The following NHSL1 variants were observed in gnomAD, a reference collection of about 807,000 sequenced individuals.
The protein encoded by NHSL1 is NHS-like protein 1.
In NHSL1, 48 loss-of-function variants were observed where a neutral mutation model predicts 95.0. The observed-to-expected ratio is 0.51, with a 90% confidence interval of 0.40 to 0.64. The LOEUF (loss-of-function observed/expected upper bound fraction) is 0.64. Among genes scored for constraint, NHSL1 ranks in the 30% least tolerant of loss-of-function variants. NHSL1 has a pLI of 0.00. For synonymous variants in NHSL1, 783 were observed against 833.9 expected, an observed-to-expected ratio of 0.94 and a Z score of 1.05; for missense variants, 1,971 against 2,077.7, an observed-to-expected ratio of 0.95 and a Z score of 1.00.
intron 2 of NHSL1, among the ~76,000 whole-genome samples, chr6:138,494,592 G>A (rs1027163819): frequency 3.3e-5 from 5 of 152,076 alleles, no homozygotes; most frequent in Admixed American, 2.6e-4. Flanking sequence ...ATTAAAGAAT[G>A]AATCACTTCA....
chr6:138,610,967 A>C (rs1406732732), intron 1 of NHSL1, among the ~76,000 whole-genome samples: 3 of 152,082 alleles, frequency 2.0e-5, no homozygotes, highest in Non-Finnish European at 2.9e-5. Flanking sequence ...AATTCCAGCT[A>C]CTCAGGAGGC....
At chr6:138,608,228 T>G (rs554313327) in intron 1 of NHSL1, among the ~76,000 whole-genome samples, 2 of 152,374 alleles carry the variant, frequency 1.3e-5, no homozygotes, top group South Asian at 4.1e-4. Context: ...CAGAAAATCA[T>G]GAAAATTACT....
At chr6:138,528,302 T>C (rs1781995544) in intron 1 of NHSL1, among the ~76,000 whole-genome samples, 1 of 151,604 alleles carries the variant, frequency 6.6e-6, no homozygotes, top group Non-Finnish European at 1.5e-5. Context: ...GAGCCAGAGG[T>C]ATTCATTCAG....
At chr6:138,587,301 G>T (rs117680172) in intron 1 of NHSL1, among the ~76,000 whole-genome samples, 1 of 151,446 alleles carries the variant, frequency 6.6e-6, no homozygotes, top group Non-Finnish European at 1.5e-5. Context: ...AGCTTCATGC[G>T]CCTGGAGCAG....
chr6:138,639,667 G>A (rs1387063601), intron 1 of NHSL1, among the ~76,000 whole-genome samples: 9 of 150,846 alleles, frequency 6.0e-5, no homozygotes, highest in East Asian at 1.9e-4. Flanking sequence ...TTAGCTGGGC[G>A]TGGTGGCACG....
chr6:138,441,545 T>C (rs1226403507), intron 5 of NHSL1, among the ~76,000 whole-genome samples: 1 of 152,218 alleles, frequency 6.6e-6, no homozygotes, highest in Non-Finnish European at 1.5e-5. Context: ...CAGACTGTTG[T>C]TTCTGATGAC....
chr6:138,594,146 G>A (rs892494816), intron 1 of NHSL1, among the ~76,000 whole-genome samples: 1 of 152,134 alleles, frequency 6.6e-6, no homozygotes, highest in Admixed American at 6.5e-5. Flanking sequence ...GTGGTTGGGG[G>A]ATGTGGATAA....
At chr6:138,572,051 A>T in exon 1 of NHSL1, 1 of 644,370 alleles carries the variant, frequency 1.6e-6, no homozygotes, top group Non-Finnish European at 2.6e-6. Flanking sequence ...CATTATCCAA[A>T]AAGACGGCTT....
At position 138,430,546 on chromosome 6, in the gene NHSL1, C is replaced by T. The variant is rs1186232802; in HGVS notation, c.3799G>A (p.Ala1267Thr). The change falls in exon 6 of 8, where the codon GCT (alanine) becomes ACT (threonine). Residue 1267 changes from alanine to threonine, a missense_variant. By Grantham distance (58) the Ala-to-Thr change is moderately conservative. This residue lies in a region of NHSL1 where 1,602 missense variants were observed against 1,654.5 expected (regional missense o/e 0.97). Transcript: ENST00000343505. This position sits in a 1 kb window ranked among gnomAD's most constrained non-coding sequence, Gnocchi z 4.7. The part of the protein sequence containing the change: ...HPGTSVLEGG[A>T]AGSMSPSRVE... ...CTGCTGGGAGACATGGATCCTGCAGCTCCTCCCTCAAGAACCGAGGTGCCA... is the reference window on the plus strand; with the variant it reads ...CTGCTGGGAGACATGGATCCTGCAGTTCCTCCCTCAAGAACCGAGGTGCCA... 1 of 1,551,196 alleles carries T rather than the reference C, an allele frequency of 6.4e-7. No homozygotes were observed. The highest frequency in any genetic ancestry group is 8.7e-7 in the Non-Finnish European group (1 of 1,146,648).
At chr6:138,439,511 C>A (rs1776393382) in intron 5 of NHSL1, among the ~76,000 whole-genome samples, 1 of 152,140 alleles carries the variant, frequency 6.6e-6, no homozygotes, top group Non-Finnish European at 1.5e-5. Flanking sequence ...CAAGATCAAC[C>A]AGAAGTCCTG....
chr6:138,486,334 C>G (rs531727336), intron 2 of NHSL1, among the ~76,000 whole-genome samples: 1 of 152,210 alleles, frequency 6.6e-6, no homozygotes, highest in East Asian at 1.9e-4. Context: ...TGTTTTTCTG[C>G]TTATAAAAAT....
At chr6:138,477,436 G>GA (rs888043711) in intron 2 of NHSL1, among the ~76,000 whole-genome samples, 1 of 151,966 alleles carries the variant, frequency 6.6e-6, no homozygotes, top group Non-Finnish European at 1.5e-5. Context: ...CGCATTTCTA[G>GA]AAAAAAATTC....
chr6:138,618,038 G>C (rs1784604437), intron 1 of NHSL1, among the ~76,000 whole-genome samples: 1 of 152,208 alleles, frequency 6.6e-6, no homozygotes, highest in African/African-American at 2.4e-5. Context: ...AATTCATGAA[G>C]AGTATATTGA....
intron 1 of NHSL1, among the ~76,000 whole-genome samples, chr6:138,591,390 A>G (rs1375353399): frequency 6.6e-6 from 1 of 152,206 alleles, no homozygotes. Flanking sequence ...AATTCCAGAA[A>G]TCAACAATTC....
At position 138,517,530 on chromosome 6, in the gene NHSL1, A is replaced by G. The variant is rs567047930; in HGVS notation, c.17-21159T>C. 8.5e-5 allele frequency among the ~76,000 whole-genome samples: 13 copies of G among 152,360 alleles called. No homozygotes were observed. The East Asian group carries it at 2.5e-3, about 29-fold the overall frequency. On this transcript the variant is annotated intron_variant, in intron 1 of 4. Coordinates refer to the NHSL1 transcript ENST00000342260. ...TCAGTATTTAGGGAAAGAACATCAG[A>G]TTACTGAAACAAGACAGCCAGTGCC...
intron 1 of NHSL1, among the ~76,000 whole-genome samples, chr6:138,581,758 C>T (rs1330686266): frequency 6.7e-6 from 1 of 149,260 alleles, no homozygotes; most frequent in East Asian, 2.0e-4. Context: ...CAAGCATTTA[C>T]ACCAAGTGTT....
intron 1 of NHSL1, among the ~76,000 whole-genome samples, chr6:138,594,443 G>A (rs1405075736): frequency 6.6e-6 from 1 of 152,044 alleles, no homozygotes; most frequent in East Asian, 1.9e-4. Context: ...CCTGTTCTTG[G>A]GGACTGACGT....
chr6:138,459,406 T>G, intron 3 of NHSL1, among the ~76,000 whole-genome samples: 1 of 152,364 alleles, frequency 6.6e-6, no homozygotes, highest in Middle Eastern at 3.4e-3. Context: ...AATTTGACTT[T>G]GTAGATATGA....
At chr6:138,522,314 C>T (rs964006332) in intron 1 of NHSL1, among the ~76,000 whole-genome samples, 3 of 152,128 alleles carry the variant, frequency 2.0e-5, no homozygotes, top group Non-Finnish European at 4.4e-5. Context: ...ATGTTTGGAG[C>T]CTGGGCAACA....
Sources: gnomAD v4.1 joint callset for allele counts (sites outside exome capture counted in the v4.1 genomes callset) on GRCh38, gnomAD v4.1.1 for gene constraint, gnomAD v4.1.1 regional missense constraint, Gnocchi (gnomAD v3.1) non-coding constraint, MANE v1.5 for transcripts, NCBI Gene and HGNC (gene_info 2026-07-23, HGNC 2026-07-21) for gene names.